DNAAF11: variants seen among roughly 807,000 people sequenced by gnomAD.
The protein encoded by DNAAF11 is dynein axonemal assembly factor 11, also known as leucine rich repeat containing 6.
In DNAAF11, 45 loss-of-function variants were observed where a neutral mutation model predicts 60.8. That is an observed-to-expected ratio of 0.74 (90% CI 0.58 to 0.95). The LOEUF is 0.95. Among genes scored for constraint, DNAAF11 ranks in the 40% least tolerant of loss-of-function variants. The pLI, the probability that DNAAF11 is intolerant of heterozygous loss-of-function variation, is 0.00. For missense variants in DNAAF11, 546 were observed against 546.2 expected, an observed-to-expected ratio of 1.00 and a Z score of 0.00; for synonymous variants, 191 against 183.5, an observed-to-expected ratio of 1.04 and a Z score of -0.33.
intron 10 of DNAAF11, among the ~76,000 whole-genome samples, chr8:132,599,960 T>C (rs1817434237): frequency 6.6e-6 from 1 of 152,142 alleles, no homozygotes; most frequent in Non-Finnish European, 1.5e-5. Flanking sequence ...GGGTACTCAA[T>C]TAGGAAAAGA....
chr8:132,701,106 G>T, the DNAAF11 span, among the ~76,000 whole-genome samples: 28 of 152,232 alleles, frequency 1.8e-4, no homozygotes, highest in South Asian at 4.2e-4. Context: ...TATGAAGAGG[G>T]AGCCCTCATG....
chr8:132,675,485 C>G lies in DNAAF11; in HGVS notation c.9G>C (p.Trp3Cys). The G allele has an allele frequency of 1.3e-6, 2 of 1,568,616 alleles. No individual in the cohort carries two copies. Among genetic ancestry groups the G allele is most frequent in the Non-Finnish European group, 1.7e-6 (2 of 1,154,406 alleles). Residue 3 changes from tryptophan to cysteine, a missense_variant and splice_region_variant, in exon 1 of 12, where the codon TGG becomes TGC. Transcript: ENST00000620350. MG[W>C]ITEDLIRRNA... ...GACGGAAGGTGGAGGGGGGCTTACT[C>G]CAGCCCATGGCGCCTCTCCAGTTCG...
At chr8:132,669,940 CA>C (rs35402875) in intron 1 of DNAAF11, among the ~76,000 whole-genome samples, 13,755 of 68,756 alleles carry the variant, frequency 0.2, 282 homozygotes, top group East Asian at 0.28. Flanking sequence ...GACTCCGTCT[CA>C]AAAAAAAAAA....
Position 132,570,644 on chromosome 8 carries a change from AAAGG to A in DNAAF11, c.*1658_*1661del, listed in dbSNP as rs1814093293. The stretch of plus-strand genomic sequence containing the variant: ...TTCCTGGGTAGAGTTGACCATGAAG[AAAGG>A]TGTTATACTCAGTCATTGCCATCAG... On this transcript the variant is annotated 3_prime_UTR_variant, in exon 12 of 12. Coordinates refer to ENST00000620350, the MANE Select transcript of DNAAF11 (RefSeq NM_012472.6). Among the ~76,000 whole-genome samples the A allele has an allele frequency of 6.6e-6, 1 of 152,174 alleles. No individual in the cohort carries two copies. Among genetic ancestry groups the A allele is most frequent in the Admixed American group, 6.5e-5 (1 of 15,278 alleles).
chr8:132,673,088 A>G (rs888189884), intron 1 of DNAAF11, among the ~76,000 whole-genome samples: 1 of 152,164 alleles, frequency 6.6e-6, no homozygotes, highest in African/African-American at 2.4e-5. Context: ...ACATGTAAAA[A>G]GGGTTTGTGG....
intron 6 of DNAAF11, among the ~76,000 whole-genome samples, chr8:132,623,303 T>C (rs574890907): frequency 6.6e-6 from 1 of 152,252 alleles, no homozygotes; most frequent in South Asian, 2.1e-4. Context: ...ACCTATTGAT[T>C]TAGAAAAGTG....
chr8:132,573,052 G>A (rs1431704164), intron 11 of DNAAF11, among the ~76,000 whole-genome samples: 1 of 151,624 alleles, frequency 6.6e-6, no homozygotes, highest in African/African-American at 2.4e-5. Flanking sequence ...AACAGAAGAA[G>A]GGGGCACCTC....
chr8:132,641,036 G>C (rs1371075662), intron 3 of DNAAF11, among the ~76,000 whole-genome samples: 1 of 151,972 alleles, frequency 6.6e-6, no homozygotes, highest in East Asian at 1.9e-4. Flanking sequence ...GCCAATATAA[G>C]AAATACAAAT....
chr8:132,622,385 T>A (rs1819850752), intron 7 of DNAAF11, among the ~76,000 whole-genome samples: 2 of 152,224 alleles, frequency 1.3e-5, no homozygotes, highest in Admixed American at 1.3e-4. Context: ...AAGATCTCCA[T>A]ATGTCAAGAT....
chr8:132,648,263 T>C (rs901201329), intron 3 of DNAAF11, among the ~76,000 whole-genome samples: 1 of 152,152 alleles, frequency 6.6e-6, no homozygotes, highest in Admixed American at 6.5e-5. Flanking sequence ...AAAAACCACA[T>C]GATTATCTCA....
Position 132,632,856 on chromosome 8 carries a change from T to C in DNAAF11, c.537A>G (p.Lys179=). 1 of 1,613,784 alleles carries C rather than the reference T, an allele frequency of 6.2e-7. No homozygotes were observed. Among genetic ancestry groups the C allele is most frequent in the Non-Finnish European group, 8.5e-7 (1 of 1,179,702 alleles). Residue 179 remains lysine, a synonymous_variant, in exon 5 of 12, where the codon AAA becomes AAG. Transcript: ENST00000620350. ...IREQEKDHCL[K]RAKLKEEAQR... is the part of the protein sequence containing the mutation. Reference sequence around the variant, plus strand: ...GAGCCTCTTCCTTGAGTTTGGCTCGTTTAAGACAGTGATCTTTTTCCTGCT... The same window carrying C: ...GAGCCTCTTCCTTGAGTTTGGCTCGCTTAAGACAGTGATCTTTTTCCTGCT...
intron 10 of DNAAF11, among the ~76,000 whole-genome samples, chr8:132,603,094 G>C (rs571961349): frequency 4.3e-4 from 65 of 152,248 alleles, no homozygotes; most frequent in African/African-American, 1.5e-3. Flanking sequence ...TGTGGTCACT[G>C]AAGGATTCTT....
chr8:132,685,297 G>C, the DNAAF11 span, among the ~76,000 whole-genome samples: 1 of 152,168 alleles, frequency 6.6e-6, no homozygotes, highest in African/African-American at 2.4e-5. Context: ...AGGGATGTGA[G>C]TACATGAAAT....
At chr8:132,652,171 G>A (rs1823084388) in intron 3 of DNAAF11, among the ~76,000 whole-genome samples, 1 of 152,112 alleles carries the variant, frequency 6.6e-6, no homozygotes, top group African/African-American at 2.4e-5. Context: ...CTATTCCATG[G>A]CCCTGCACTC....
chr8:132,695,619 A>G, the DNAAF11 span, among the ~76,000 whole-genome samples: 3 of 152,128 alleles, frequency 2.0e-5, no homozygotes, highest in Non-Finnish European at 4.4e-5. Context: ...AGGAGAGAGG[A>G]TAAGTATGAA....
chr8:132,674,121 G>GAGGAGGAGGAGGAGA (rs1825482395), intron 1 of DNAAF11, among the ~76,000 whole-genome samples: 1 of 99,582 alleles, frequency 1.0e-5, no homozygotes, highest in Non-Finnish European at 2.2e-5. Flanking sequence ...GCAGGAGGAG[G>GAGGAGGAGGAGGAGA]AGGAGGAGGA....
the DNAAF11 span, among the ~76,000 whole-genome samples, chr8:132,700,983 C>T: frequency 7.2e-5 from 11 of 152,040 alleles, no homozygotes; most frequent in African/African-American, 2.4e-4. Context: ...AGTTCAAGAT[C>T]GAGGGGTTGG....
chr8:132,656,959 C>T lies in DNAAF11; in HGVS notation c.179-52G>A, dbSNP rs767578897. The T allele has an allele frequency of 1.4e-5, 9 of 639,762 alleles. No homozygotes were observed. In the South Asian group the frequency reaches 1.5e-4, roughly 11 times the overall value. The allele number at this position is 639,762 out of a possible 1,614,324, so 39.6% of individuals were successfully genotyped here. A position where few individuals can be genotyped will look rare whatever the true frequency, so the allele number is the denominator to read the frequency against. ...ATAATTAATCTTCAAAATAAAGACA[C>T]TTTTATGTAATCTATTACTAAAATA... is the stretch of plus-strand genomic sequence containing the variant. On this transcript the variant is annotated intron_variant, in intron 2 of 11. Transcript: ENST00000620350.
chr8:132,668,065 A>G (rs1468243727), intron 1 of DNAAF11, among the ~76,000 whole-genome samples: 1 of 152,214 alleles, frequency 6.6e-6, no homozygotes, highest in Non-Finnish European at 1.5e-5. Context: ...GCATTCAGAC[A>G]TCTTGAAAGA....
Sources: gnomAD v4.1 joint callset for allele counts (sites outside exome capture counted in the v4.1 genomes callset) on GRCh38, gnomAD v4.1.1 for gene constraint, MANE v1.5 for transcripts, NCBI Gene and HGNC (gene_info 2026-07-23, HGNC 2026-07-21) for gene names.